Variants in XAB2 observed in about 807,000 individuals in gnomAD.
XAB2 encodes XPA binding protein 2, also known as pre-mRNA-splicing factor SYF1.
A neutral mutation model predicts 113.4 loss-of-function variants in XAB2; 57 were observed. The ratio of observed to expected loss-of-function variants is 0.50; its 90% confidence interval spans 0.41 to 0.63. XAB2 has a LOEUF of 0.63. Among genes scored for constraint, XAB2 ranks in the 20% least tolerant of loss-of-function variants. The pLI is 0.00. For missense variants in XAB2, 1,037 were observed against 1,233.3 expected, an observed-to-expected ratio of 0.84 and a Z score of 2.38; for synonymous variants, 497 against 498.8, an observed-to-expected ratio of 1.00 and a Z score of 0.05.
Position 7,619,797 on chromosome 19 carries a change from A to T in XAB2, c.2456T>A (p.Ile819Asn). 6.2e-7 allele frequency: 1 copy of T among 1,613,436 alleles called. No individual in the cohort carries two copies. The highest frequency in any genetic ancestry group is 8.5e-7 in the Non-Finnish European group (1 of 1,179,870). ...ELAQQVNPEEIQLGEDEDEDE... is the reference protein window; with the variant it reads ...ELAQQVNPEENQLGEDEDEDE... The stretch of plus-strand genomic sequence containing the variant: ...CTCGTCCTCGTCCTCGCCCAGCTGG[A>T]TCTCCTCGGGGTTGACCTGCTGTGC... Residue 819 changes from isoleucine to asparagine, a missense_variant, in exon 18 of 19, where the codon ATC (isoleucine) becomes AAC (asparagine). Physicochemically the swap from Ile to Asn is moderately radical, Grantham distance 149. Coordinates refer to ENST00000358368, the MANE Select transcript of XAB2 (RefSeq NM_020196.3).
Position 7,625,924 on chromosome 19 carries a change from A to G in XAB2, c.778T>C (p.Cys260Arg). Reference protein sequence around the residue: ...RFTDQLGKLWCSLADYYIRSG... With the variant: ...RFTDQLGKLWRSLADYYIRSG... ...CGGATGTAGTAGTCGGCGAGAGAAC[A>G]CCAGAGCTTGCCCAGCTGGTCGGTG... Residue 260 changes from cysteine (C) to arginine (R), a missense_variant, in exon 6 of 19, where the codon TGT (cysteine) becomes CGT (arginine). Cys to Arg is a radical substitution (Grantham distance 180, BLOSUM62 -3). Coordinates refer to ENST00000358368, the MANE Select transcript of XAB2 (RefSeq NM_020196.3). The surrounding 1 kb of genome is among the most constrained non-coding windows in gnomAD (Gnocchi z 5.2). The G allele has an allele frequency of 6.2e-7, 1 of 1,613,460 alleles. No individual in the cohort carries two copies. The highest frequency in any genetic ancestry group is 1.3e-5 in the African/African-American group (1 of 75,070).
chr19:7,621,060 G>A (rs553935773), intron 13 of XAB2, 24 bp from the exon 14 acceptor site: 2 of 1,541,242 alleles, frequency 1.3e-6, no homozygotes, highest in South Asian at 1.2e-5. Context: ...GCGGGGAGAG[G>A]GGAGCACGGT....
chr19:7,623,004 G>GCA lies in XAB2; in HGVS notation c.1240-113_1240-112dup, dbSNP rs2031067524. The GCA allele has an allele frequency of 2.6e-6, 4 of 1,543,822 alleles. No individual in the cohort carries two copies. In the South Asian group the frequency reaches 4.8e-5, roughly 18 times the overall value. On this transcript the variant is annotated intron_variant, in intron 9 of 18. Coordinates refer to ENST00000358368, the MANE Select transcript of XAB2 (RefSeq NM_020196.3). This position sits in a 1 kb window ranked among gnomAD's most constrained non-coding sequence, Gnocchi z 4.6. ...CAAACATACAGGCACAAACACACAG[G>GCA]CACACACACAGGCACACACATGCGT...
At chr19:7,621,337 TAG>T in intron 12 of XAB2, 40 bp from the exon 13 acceptor site, 1 of 1,603,098 alleles carries the variant, frequency 6.2e-7, no homozygotes, top group Non-Finnish European at 8.5e-7. Context: ...AGTCTGCAGA[TAG>T]AGACCACCAG....
Position 7,627,679 on chromosome 19 carries a change from C to G in XAB2, c.324+49G>C. 6.2e-7 allele frequency: 1 copy of G among 1,608,214 alleles called. No homozygotes were observed. The highest frequency in any genetic ancestry group is 8.5e-7 in the Non-Finnish European group (1 of 1,176,292). The stretch of plus-strand genomic sequence containing the variant: ...CCCCTGTCCCCGCCCCACCCACCAC[C>G]ATGGACTGAGCTCCACTTCCCGATT... On this transcript the variant is annotated intron_variant, in intron 3 of 18. Transcript: ENST00000358368. This position sits in a 1 kb window ranked among gnomAD's most constrained non-coding sequence, Gnocchi z 4.5.
chr19:7,622,216 G>C, intron 12 of XAB2, 115 bp downstream of exon 12: 12 of 994,980 alleles, frequency 1.2e-5, no homozygotes, highest in Non-Finnish European at 1.7e-5. Flanking sequence ...TGTTGTTTAA[G>C]TCACCCAGTC....
In XAB2 at chr19:7,628,082, G is replaced by A. The variant is rs866168372; in HGVS notation, c.200+68C>T. ...TCACCCGGGACCCGGGACCCACTTGGCAGTTTTGTTATAACTGGACCAGGT... is the reference window on the plus strand; with the variant it reads ...TCACCCGGGACCCGGGACCCACTTGACAGTTTTGTTATAACTGGACCAGGT... On this transcript the variant is annotated intron_variant, in intron 2 of 18. Coordinates refer to ENST00000358368, the MANE Select transcript of XAB2 (RefSeq NM_020196.3). This position sits in a 1 kb window ranked among gnomAD's most constrained non-coding sequence, Gnocchi z 4.6. 1.9e-6 allele frequency: 3 copies of A among 1,558,228 alleles called. No homozygotes were observed. The highest frequency in any genetic ancestry group is 2.4e-5 in the East Asian group (1 of 42,454).
At chr19:7,622,170 A>G in intron 12 of XAB2, 161 bp downstream of exon 12, 1 of 692,174 alleles carries the variant, frequency 1.4e-6, no homozygotes, top group Non-Finnish European at 2.4e-6. Context: ...TCGATCCTGG[A>G]CTTCCAGCCT....
In XAB2 at chr19:7,628,432, C is replaced by T; in HGVS notation, c.52-134G>A. The T allele has an allele frequency of 9.3e-7, 1 of 1,080,724 alleles. No homozygotes were observed. Among genetic ancestry groups the T allele is most frequent in the South Asian group, 1.5e-5 (1 of 66,078 alleles). 66.9% of individuals were successfully genotyped at this position (1,080,724 alleles called of 1,614,324 possible). ...CCACCACCCACCAAGGAAGTCAGGT[C>T]ACCAGATGCCCAGGCACCAAACCAG... On this transcript the variant is annotated intron_variant, in intron 1 of 18. Transcript: ENST00000358368. The surrounding 1 kb of genome is among the most constrained non-coding windows in gnomAD (Gnocchi z 4.6).
intron 16 of XAB2, 83 bp downstream of exon 16, chr19:7,620,192 C>T (rs1028901014): frequency 1.6e-5 from 26 of 1,598,516 alleles, no homozygotes; most frequent in South Asian, 2.2e-5. Context: ...CATCAGGATC[C>T]GAGGCTCCCA....
In XAB2 at chr19:7,627,186, A is replaced by G; in HGVS notation, c.522+57T>C. 1 of 1,588,990 alleles carries G rather than the reference A, an allele frequency of 6.3e-7. No homozygotes were observed. Among genetic ancestry groups the G allele is most frequent in the Non-Finnish European group, 8.6e-7 (1 of 1,168,112 alleles). On this transcript the variant is annotated intron_variant, in intron 4 of 18. Coordinates refer to ENST00000358368, the MANE Select transcript of XAB2 (RefSeq NM_020196.3). This position sits in a 1 kb window ranked among gnomAD's most constrained non-coding sequence, Gnocchi z 4.5. ...TGACATCCTACGCGGAGCTAGTGTC[A>G]CAGTGAGGCCGTTTCTGGAAACTAA...
At position 7,622,599 on chromosome 19, in the gene XAB2, G is replaced by A. The variant is rs748917848; in HGVS notation, c.1434C>T (p.Asn478=). 2 of 1,612,864 alleles carry A rather than the reference G, an allele frequency of 1.2e-6. No individual in the cohort carries two copies. Among genetic ancestry groups the A allele is most frequent in the Non-Finnish European group, 1.7e-6 (2 of 1,180,032 alleles). The part of the protein sequence containing the change: ...EYFDGSEPVQ[N]RVYKSLKVWS... ...AGACCTTCAGTGACTTGTACACGCG[G>A]TTCTGCACGGGCTCTGAACCATCAA... The change falls in exon 11 of 19, where the codon AAC becomes AAT. Residue 478 remains asparagine, a synonymous_variant. Transcript: ENST00000358368.
Position 7,623,673 on chromosome 19 carries a change from TC to T in XAB2, c.1119+57del. 1 of 1,521,596 alleles carries T rather than the reference TC, an allele frequency of 6.6e-7. No individual in the cohort carries two copies. 94.3% of individuals were successfully genotyped at this position (1,521,596 alleles called of 1,614,324 possible). On this transcript the variant is annotated intron_variant, in intron 8 of 18. Transcript: ENST00000358368. This position sits in a 1 kb window ranked among gnomAD's most constrained non-coding sequence, Gnocchi z 4.6. ...GACATTATGGGTGAAGGTGGGTGGC[TC>T]CCCAGTTCTGCAGGAAACTGGCCCT...
At chr19:7,620,793 C>A in intron 14 of XAB2, 53 bp downstream of exon 14, 1 of 1,563,828 alleles carries the variant, frequency 6.4e-7, no homozygotes, top group Non-Finnish European at 8.7e-7. Context: ...GCCTGGACCC[C>A]TTCCGTCTGC....
rs2031020944 is a variant in XAB2, at chr19:7,621,042, CG to C, written c.1781-7del. The C allele has an allele frequency of 1.3e-6, 2 of 1,542,452 alleles. No individual in the cohort carries two copies. The highest frequency in any genetic ancestry group is 1.4e-5 in the African/African-American group (1 of 73,574). On this transcript the variant is annotated splice_region_variant and splice_polypyrimidine_tract_variant and intron_variant, in intron 13 of 18. Transcript: ENST00000358368. ...TGCGTACAGCAGGTACAAGGCTGGG[CG>C]GGGTAGGCGGGGAGAGGGGAGCACG...
chr19:7,619,760 G>A lies in XAB2; in HGVS notation c.2493C>T (p.Asp831=). 3.7e-6 allele frequency: 6 copies of A among 1,613,684 alleles called. No homozygotes were observed. The highest frequency in any genetic ancestry group is 1.1e-5 in the South Asian group (1 of 91,086). The change falls in exon 18 of 19, where the codon GAC becomes GAT. Residue 831 remains aspartate (D), a synonymous_variant. Transcript: ENST00000358368. ...CCGGGCCCTCACCGTTGGGCTCCAG[G>A]TCCATCTCGTCCTCGTCCTCGTCCT... ...LGEDEDEDEM[D]LEPNEVRLEQ...
In XAB2 at chr19:7,626,356, C is replaced by A. The variant is rs114989404; in HGVS notation, c.523-86G>T. On this transcript the variant is annotated intron_variant, in intron 4 of 18. Transcript: ENST00000358368. ...ATTCAGTGGCTTCGGGGCGTCCCCC[C>A]CCACCCATTTATGAGTGTCTTGGGC... 5 of 1,547,788 alleles carry A rather than the reference C, an allele frequency of 3.2e-6. 1 individual carries two copies. In the Admixed American group the frequency reaches 8.8e-5, roughly 27 times the overall value.
chr19:7,627,660 T>TCCCCC lies in XAB2; in HGVS notation c.324+67_324+68insGGGGG. On this transcript the variant is annotated intron_variant, in intron 3 of 18. Coordinates refer to ENST00000358368, the MANE Select transcript of XAB2 (RefSeq NM_020196.3). This position sits in a 1 kb window ranked among gnomAD's most constrained non-coding sequence, Gnocchi z 4.5. ...CCTAACATGCTGAGCCCAGCCCCTG[T>TCCCCC]CCCCGCCCCACCCACCACCATGGAC... 1.3e-6 allele frequency: 2 copies of TCCCCC among 1,572,304 alleles called. No homozygotes were observed. The highest frequency in any genetic ancestry group is 1.7e-6 in the Non-Finnish European group (2 of 1,148,010).
rs1030055418 is a variant in XAB2, at chr19:7,625,554, C to A, written c.822+326G>T. Among the ~76,000 whole-genome samples, 32 of 149,902 alleles carry A rather than the reference C, an allele frequency of 2.1e-4. No individual in the cohort carries two copies. The highest frequency in any genetic ancestry group is 3.7e-4 in the Non-Finnish European group (25 of 67,746). ...ACTTCCGTGGCGCGATCGCAGCTCACGGCAACCTCCACCTCCCAAGTTCAA... is the reference window on the plus strand; with the variant it reads ...ACTTCCGTGGCGCGATCGCAGCTCAAGGCAACCTCCACCTCCCAAGTTCAA... On this transcript the variant is annotated intron_variant, in intron 6 of 18. Coordinates refer to ENST00000358368, the MANE Select transcript of XAB2 (RefSeq NM_020196.3). The surrounding 1 kb of genome is among the most constrained non-coding windows in gnomAD (Gnocchi z 5.2).
Sources: allele counts gnomAD v4.1 joint callset (sites outside exome capture counted in the v4.1 genomes callset), GRCh38; gene constraint gnomAD v4.1.1; non-coding constraint Gnocchi (gnomAD v3.1); transcripts MANE v1.5; gene names NCBI Gene and HGNC (gene_info 2026-07-23, HGNC 2026-07-21).